ADCY2: variants seen among roughly 807,000 people sequenced by gnomAD.
ADCY2 encodes adenylate cyclase 2, also known as adenylate cyclase type 2.
ADCY2 carries 31 observed loss-of-function variants against 125.2 expected under a neutral mutation model. The observed-to-expected ratio is 0.25, with a 90% CI of 0.19 to 0.33. The LOEUF (loss-of-function observed/expected upper bound fraction) is 0.33, where lower values mean the gene tolerates loss of function less well. Among genes scored for constraint, ADCY2 ranks in the 10% least tolerant of loss-of-function variants. The pLI, the probability that ADCY2 is intolerant of heterozygous loss-of-function variation, is 1.00. For synonymous variants in ADCY2, 512 were observed against 548.4 expected, an observed-to-expected ratio of 0.93 and a Z score of 0.93; for missense variants, 904 against 1,418.2, an observed-to-expected ratio of 0.64 and a Z score of 5.82.
intron 5 of ADCY2, chr5:7,692,334 A>T (rs1740730665): frequency 6.6e-6 from 1 of 152,234 alleles, no homozygotes; most frequent in Non-Finnish European, 1.5e-5. Context: ...ATACCCAAGC[A>T]TACACAGATG....
chr5:7,495,960 A>G (rs998105285), intron 2 of ADCY2, among the ~76,000 whole-genome samples: 4 of 152,208 alleles, frequency 2.6e-5, no homozygotes, highest in Admixed American at 6.5e-5. Flanking sequence ...CTTTCTCTGC[A>G]AAGTAACCCA....
rs1745496481 is a variant in ADCY2, at chr5:7,826,829, A to G, written c.3234A>G (p.Thr1078=). ...ACCTGAAGACGTACTTTGTAAACAC[A>G]GAAATGTCAAGGTCCCTTTCCCAGA... ...KGDLKTYFVN[T]EMSRSLSQSN... The change falls in exon 25 of 25, where the codon ACA becomes ACG. Residue 1078 remains threonine (T), a synonymous_variant. Coordinates refer to ENST00000338316, the MANE Select transcript of ADCY2 (RefSeq NM_020546.3). 4 of 1,613,848 alleles carry G rather than the reference A, an allele frequency of 2.5e-6. No individual in the cohort carries two copies. The highest frequency in any genetic ancestry group is 2.7e-5 in the African/African-American group (2 of 75,052).
chr5:7,504,594 C>T (rs1743730053), intron 2 of ADCY2, among the ~76,000 whole-genome samples: 2 of 151,124 alleles, frequency 1.3e-5, no homozygotes, highest in African/African-American at 4.9e-5. Context: ...TTCTTTCTTT[C>T]TCTCTCTCTT....
chr5:7,788,094 G>T (rs982636204), intron 19 of ADCY2, among the ~76,000 whole-genome samples: 4 of 152,030 alleles, frequency 2.6e-5, no homozygotes, highest in Non-Finnish European at 5.9e-5. Context: ...TCTAGTCAAT[G>T]TAGAGCATAA....
chr5:7,761,553 C>T (rs1201684106), intron 16 of ADCY2, among the ~76,000 whole-genome samples: 2 of 151,930 alleles, frequency 1.3e-5, no homozygotes, highest in Non-Finnish European at 2.9e-5. Context: ...TTTTTTTTCA[C>T]ATGCCCTAGG....
chr5:7,690,955 C>A, intron 5 of ADCY2, 116 bp downstream of exon 5: 1 of 1,217,312 alleles, frequency 8.2e-7, no homozygotes, highest in South Asian at 2.2e-5. Flanking sequence ...GGATCCTTTG[C>A]AGGGGAAATA....
intron 2 of ADCY2, among the ~76,000 whole-genome samples, chr5:7,417,499 A>G (rs1211051760): frequency 6.6e-6 from 1 of 152,198 alleles, no homozygotes; most frequent in Non-Finnish European, 1.5e-5. Flanking sequence ...GTGGGGCAGG[A>G]CAGAGTGTAA....
At chr5:7,541,358 A>G (rs1423850633) in intron 3 of ADCY2, among the ~76,000 whole-genome samples, 2 of 152,244 alleles carry the variant, frequency 1.3e-5, no homozygotes, top group African/African-American at 2.4e-5. Context: ...ATTCACCAGA[A>G]TACACATCCT....
intron 4 of ADCY2, among the ~76,000 whole-genome samples, chr5:7,642,626 A>C (rs1174188303): frequency 6.6e-6 from 1 of 152,060 alleles, no homozygotes; most frequent in Non-Finnish European, 1.5e-5. Flanking sequence ...CTGTTTCCAG[A>C]TACTATACAA....
At chr5:7,535,200 C>T (rs1420059233) in intron 3 of ADCY2, among the ~76,000 whole-genome samples, 1 of 152,158 alleles carries the variant, frequency 6.6e-6, no homozygotes, top group African/African-American at 2.4e-5. Context: ...GCCACCACGC[C>T]CAGCTAATTT....
intron 4 of ADCY2, among the ~76,000 whole-genome samples, chr5:7,665,830 T>TC (rs1327461950): frequency 2.2e-4 from 14 of 63,228 alleles, no homozygotes; most frequent in Non-Finnish European, 4.3e-4. Flanking sequence ...ATTTAATTCT[T>TC]TTTTTTTTTT....
Position 7,698,324 on chromosome 5 carries a change from C to G in ADCY2, c.1059C>G (p.Asn353Lys). The change falls in exon 7 of 25, where the codon AAC becomes AAG. Residue 353 changes from asparagine to lysine, a missense_variant. Physicochemically the swap from Asn to Lys is moderately conservative, Grantham distance 94. Around this residue, in one of 7 missense-constraint regions of ADCY2, gnomAD observed 117 missense variants for 248.0 expected, o/e 0.47. Transcript: ENST00000338316. ...CTGGACTCCCTATATCTCTCCCTAA[C>G]CATGCCAAGAACTGTGTGAAAATGG... The part of the protein sequence containing the change: ...CVSGLPISLP[N>K]HAKNCVKMGL... 6.2e-7 allele frequency: 1 copy of G among 1,614,210 alleles called. No homozygotes were observed.
At chr5:7,653,171 T>G (rs1437706655) in intron 4 of ADCY2, among the ~76,000 whole-genome samples, 1 of 152,242 alleles carries the variant, frequency 6.6e-6, no homozygotes, top group African/African-American at 2.4e-5. Flanking sequence ...GTACAATTTC[T>G]AAGACATATA....
chr5:7,714,335 A>G (rs534174273), intron 11 of ADCY2, among the ~76,000 whole-genome samples: 2 of 152,318 alleles, frequency 1.3e-5, no homozygotes, highest in African/African-American at 2.4e-5. Flanking sequence ...CTGCTTTAAG[A>G]GTCTATTTAT....
intron 1 of ADCY2, among the ~76,000 whole-genome samples, chr5:7,405,438 C>G (rs1739444618): frequency 6.6e-6 from 1 of 151,850 alleles, no homozygotes; most frequent in Non-Finnish European, 1.5e-5. Context: ...CGCTGGATTA[C>G]TCAAAATAGC....
intron 2 of ADCY2, among the ~76,000 whole-genome samples, chr5:7,480,415 G>A (rs2126471557): frequency 6.6e-6 from 1 of 152,282 alleles, no homozygotes; most frequent in East Asian, 1.9e-4. Context: ...GGAATACTGT[G>A]TAGCAATAAA....
At chr5:7,655,327 G>A (rs1739283496) in intron 4 of ADCY2, among the ~76,000 whole-genome samples, 2 of 152,112 alleles carry the variant, frequency 1.3e-5, no homozygotes, top group African/African-American at 2.4e-5. Flanking sequence ...AGATCTATTG[G>A]GAAGTGTTCA....
At position 7,558,907 on chromosome 5, in the gene ADCY2, C is replaced by T. The variant is rs1735622388; in HGVS notation, c.570+38008C>T. Among the ~76,000 whole-genome samples, 4 of 147,806 alleles carry T rather than the reference C, an allele frequency of 2.7e-5. No individual in the cohort carries two copies. In the South Asian group the frequency reaches 8.5e-4, roughly 31 times the overall value. Reference sequence around the variant, plus strand: ...GTTTCAATCTTCTGCATATGGCTAGCCAGTTATCCTAGCACCATTTATGGA... The same window carrying T: ...GTTTCAATCTTCTGCATATGGCTAGTCAGTTATCCTAGCACCATTTATGGA... On this transcript the variant is annotated intron_variant, in intron 3 of 24. Transcript: ENST00000338316.
chr5:7,419,173 A>G (rs1366242611), intron 2 of ADCY2, among the ~76,000 whole-genome samples: 1 of 152,188 alleles, frequency 6.6e-6, no homozygotes, highest in African/African-American at 2.4e-5. Flanking sequence ...CAGAGGGAAC[A>G]GTCTATGCAG....
Sources: allele counts gnomAD v4.1 joint callset (sites outside exome capture counted in the v4.1 genomes callset), GRCh38; gene constraint gnomAD v4.1.1; regional missense constraint gnomAD v4.1.1; transcripts MANE v1.5; gene names NCBI Gene and HGNC (gene_info 2026-07-23, HGNC 2026-07-21).